The following AGBL4 variants were observed in gnomAD, a reference collection of about 807,000 sequenced individuals.
AGBL4 encodes the protein cytosolic carboxypeptidase 6.
AGBL4 carries 58 observed loss-of-function variants against 66.4 expected under a neutral mutation model. The observed-to-expected ratio is 0.87, with a 90% CI of 0.71 to 1.09. The LOEUF is 1.09. Ranked by LOEUF, AGBL4 falls within the 50% of genes least tolerant of loss-of-function variation. The probability of loss-of-function intolerance (pLI) is 0.00; values close to 1 mark genes in which losing one functional copy is unlikely to be tolerated. For synonymous variants in AGBL4, 234 were observed against 222.9 expected (o/e 1.05, Z -0.44); for missense variants, 579 against 631.0 (o/e 0.92, Z 0.88).
chr1:49,849,478 TACAC>T (rs772101356), intron 2 of AGBL4, among the ~76,000 whole-genome samples: 4,039 of 135,802 alleles, frequency 0.03, 149 homozygotes, highest in African/African-American at 0.1. Context: ...AAAGTATACA[TACAC>T]ACACACACAC....
At chr1:49,096,734 A>G (rs1367084875) in intron 4 of AGBL4, among the ~76,000 whole-genome samples, 1 of 151,466 alleles carries the variant, frequency 6.6e-6, no homozygotes, top group Non-Finnish European at 1.5e-5. Context: ...GATATATCTA[A>G]TGTTAAATGA....
chr1:48,591,887 T>A (rs2148349507), intron 9 of AGBL4, among the ~76,000 whole-genome samples: 2 of 152,330 alleles, frequency 1.3e-5, no homozygotes, highest in Middle Eastern at 6.8e-3. Flanking sequence ...GAGGATTGTC[T>A]ATAAAGAGCT....
At chr1:48,930,970 G>A (rs1025517920) in intron 5 of AGBL4, among the ~76,000 whole-genome samples, 2 of 152,138 alleles carry the variant, frequency 1.3e-5, no homozygotes, top group African/African-American at 4.8e-5. Flanking sequence ...TATTTGTTGA[G>A]GGCTCACTAT....
chr1:49,586,184 G>T (rs1644643073), intron 3 of AGBL4, among the ~76,000 whole-genome samples: 1 of 152,118 alleles, frequency 6.6e-6, no homozygotes, highest in African/African-American at 2.4e-5. Context: ...GTTAGGCATT[G>T]CTATCCCCAT....
At chr1:48,576,370 T>C (rs190827584) in intron 11 of AGBL4, among the ~76,000 whole-genome samples, 1 of 152,168 alleles carries the variant, frequency 6.6e-6, no homozygotes, top group African/African-American at 2.4e-5. Context: ...TTTTCTCCCA[T>C]GAAATCGGTC....
At chr1:49,867,581 C>T (rs1319236729) in intron 1 of AGBL4, among the ~76,000 whole-genome samples, 2 of 146,024 alleles carry the variant, frequency 1.4e-5, no homozygotes, top group Non-Finnish European at 3.0e-5. Flanking sequence ...TGAGTGAGAA[C>T]ATGTGGTGTT....
intron 4 of AGBL4, among the ~76,000 whole-genome samples, chr1:49,060,509 A>G (rs1644384039): frequency 6.6e-6 from 1 of 152,154 alleles, no homozygotes; most frequent in East Asian, 1.9e-4. Context: ...ACTGAGCCCT[A>G]ACATGTGAGG....
chr1:48,632,508 C>T (rs539937489), intron 9 of AGBL4, among the ~76,000 whole-genome samples: 3 of 152,194 alleles, frequency 2.0e-5, no homozygotes, highest in Non-Finnish European at 4.4e-5. Context: ...ACTCCCATTT[C>T]TCTCTTTGGG....
chr1:49,434,030 G>A (rs11205625), intron 3 of AGBL4, among the ~76,000 whole-genome samples: 63,473 of 152,024 alleles, frequency 0.42, 15,668 homozygotes, highest in Non-Finnish European at 0.56. Flanking sequence ...TGTGAGGATC[G>A]TGCTATACAC....
At chr1:49,244,775 G>A (rs1182602367) in intron 4 of AGBL4, among the ~76,000 whole-genome samples, 1 of 151,780 alleles carries the variant, frequency 6.6e-6, no homozygotes, top group African/African-American at 2.4e-5. Flanking sequence ...AACTTTACAT[G>A]TAAATTCTCA....
intron 5 of AGBL4, among the ~76,000 whole-genome samples, chr1:48,923,058 G>A (rs1654226237): frequency 7.3e-6 from 1 of 136,782 alleles, no homozygotes; most frequent in South Asian, 2.2e-4. Context: ...CTTCTATAAT[G>A]GATATATAAA....
chr1:50,023,684 A>C (rs926070656), intron 1 of AGBL4, 79 bp downstream of exon 1: 4 of 1,484,848 alleles, frequency 2.7e-6, no homozygotes, highest in Non-Finnish European at 3.6e-6. Context: ...GAGTAGGACC[A>C]TGCCCGAGTC....
Position 49,859,185 on chromosome 1 carries a change from G to A in AGBL4, c.35-7667C>T, listed in dbSNP as rs551313967. On this transcript the variant is annotated intron_variant, in intron 1 of 13. Coordinates refer to ENST00000371839, the MANE Select transcript of AGBL4 (RefSeq NM_032785.4). The stretch of plus-strand genomic sequence containing the variant: ...AAGGTTAACATCCCTAAAAGCCACT[G>A]GGCATTATTAAGAGGATAATGAGAG... 2.0e-5 allele frequency among the ~76,000 whole-genome samples: 3 copies of A among 152,048 alleles called. No individual in the cohort carries two copies. The South Asian group carries it at 6.2e-4, about 32-fold the overall frequency.
At chr1:48,948,706 A>C (rs1656720991) in intron 5 of AGBL4, among the ~76,000 whole-genome samples, 1 of 152,178 alleles carries the variant, frequency 6.6e-6, no homozygotes, top group South Asian at 2.1e-4. Context: ...AGGAATCCTA[A>C]CTACAGTAGT....
chr1:48,903,314 A>G (rs1444187217), intron 5 of AGBL4, among the ~76,000 whole-genome samples: 2 of 152,216 alleles, frequency 1.3e-5, no homozygotes, highest in African/African-American at 4.8e-5. Context: ...GTGAGGTTCA[A>G]GTGCAGAGTC....
At chr1:48,732,125 G>C (rs1446382764) in intron 6 of AGBL4, among the ~76,000 whole-genome samples, 1 of 152,102 alleles carries the variant, frequency 6.6e-6, no homozygotes, top group African/African-American at 2.4e-5. Context: ...TGGGTAGTGA[G>C]GGATGTGGAG....
intron 1 of AGBL4, among the ~76,000 whole-genome samples, chr1:49,963,067 A>G (rs1657250223): frequency 6.6e-6 from 1 of 152,178 alleles, no homozygotes; most frequent in African/African-American, 2.4e-5. Flanking sequence ...TGAAGACCAT[A>G]GAACTGAATA....
chr1:49,877,875 G>T (rs1647069528), intron 1 of AGBL4, among the ~76,000 whole-genome samples: 1 of 151,878 alleles, frequency 6.6e-6, no homozygotes, highest in East Asian at 1.9e-4. Context: ...ACTTCTTCCT[G>T]GTTTAGTCTT....
At chr1:48,596,888 G>A (rs571001471) in intron 9 of AGBL4, among the ~76,000 whole-genome samples, 10 of 152,254 alleles carry the variant, frequency 6.6e-5, no homozygotes, top group African/African-American at 1.9e-4. Context: ...GAACAACCAC[G>A]TAAGAAATCC....
Sources: allele counts gnomAD v4.1 joint callset (sites outside exome capture counted in the v4.1 genomes callset), GRCh38; gene constraint gnomAD v4.1.1; transcripts MANE v1.5; gene names NCBI Gene and HGNC (gene_info 2026-07-23, HGNC 2026-07-21).